MACROH2A1: variants seen among roughly 807,000 people sequenced by gnomAD.
The protein encoded by MACROH2A1 is core histone macro-H2A.1.
A neutral mutation model predicts 31.6 loss-of-function variants in MACROH2A1; 2 were observed. That is an observed-to-expected ratio of 0.06 (90% CI 0.03 to 0.20). The LOEUF is 0.20. MACROH2A1 is among the 10% of genes least tolerant of loss of function. The probability of loss-of-function intolerance (pLI) is 1.00; values close to 1 mark genes in which losing one functional copy is unlikely to be tolerated. For synonymous variants in MACROH2A1, 169 were observed against 189.6 expected, an observed-to-expected ratio of 0.89 and a Z score of 0.89; for missense variants, 230 against 474.0, an observed-to-expected ratio of 0.49 and a Z score of 4.78.
intron 2 of MACROH2A1, among the ~76,000 whole-genome samples, chr5:135,379,951 C>T (rs1000196492): frequency 1.3e-5 from 2 of 152,150 alleles, no homozygotes; most frequent in Non-Finnish European, 2.9e-5. Context: ...ATTTCTAACG[C>T]CCTACTGTTT....
In MACROH2A1 at chr5:135,335,069, C is replaced by T. The variant is rs756529964; in HGVS notation, c.1026G>A (p.Met342Ile). 14 of 1,613,348 alleles carry T rather than the reference C, an allele frequency of 8.7e-6. 1 individual carries two copies. In the African/African-American group the frequency reaches 1.7e-4, roughly 20 times the overall value. Reference protein sequence around the residue: ...KAISSYFVSTMSSSIKTVYFV... With the variant: ...KAISSYFVSTISSSIKTVYFV... ...AGTACACCGTTTTGATGGAAGAGGA[C>T]ATTGTAGACACGAAGTAACTGGAGA... is the stretch of plus-strand genomic sequence containing the variant. Residue 342 changes from methionine (M) to isoleucine (I), a missense_variant, in exon 9 of 9, where the codon ATG becomes ATA. Physicochemically the swap from Met to Ile is conservative, Grantham distance 10. Transcript: ENST00000511689.
rs1766814924 is a variant in MACROH2A1, at chr5:135,388,967, C to A, written c.127G>T (p.Val43Leu). 19 of 1,613,456 alleles carry A rather than the reference C, an allele frequency of 1.2e-5. No homozygotes were observed. Among genetic ancestry groups the A allele is most frequent in the Non-Finnish European group, 1.6e-5 (19 of 1,179,434 alleles). ...GCGGCCATGTACACGGGTGCCCCCA[C>A]TCCAATCCTGTACTTGGGGTGGCCT... ...KKGHPKYRIG[V>L]GAPVYMAAVL... Residue 43 changes from valine (V) to leucine (L), a missense_variant, in exon 2 of 9, where the codon GTG (valine) becomes TTG (leucine). By Grantham distance (32) the Val-to-Leu change is conservative. Around this residue, in one of 2 missense-constraint regions of MACROH2A1, gnomAD observed 47 missense variants for 154.7 expected, o/e 0.30. Transcript: ENST00000511689.
intron 2 of MACROH2A1, among the ~76,000 whole-genome samples, chr5:135,384,769 C>G (rs571973297): frequency 6.6e-6 from 1 of 152,372 alleles, no homozygotes; most frequent in Non-Finnish European, 1.5e-5. Flanking sequence ...CATGCTCTCA[C>G]ATCAGCCTCA....
chr5:135,387,795 C>A (rs1425409491), intron 2 of MACROH2A1, among the ~76,000 whole-genome samples: 2 of 152,170 alleles, frequency 1.3e-5, no homozygotes, highest in African/African-American at 4.8e-5. Flanking sequence ...AAGATTGTAT[C>A]TGTGAACAGG....
At chr5:135,340,457 C>A (rs1337352905) in intron 8 of MACROH2A1, among the ~76,000 whole-genome samples, 1 of 152,152 alleles carries the variant, frequency 6.6e-6, no homozygotes, top group Non-Finnish European at 1.5e-5. Flanking sequence ...CTATGTACTA[C>A]CCCTCTGGAG....
At chr5:135,370,367 G>C (rs1389723292) in intron 2 of MACROH2A1, among the ~76,000 whole-genome samples, 1 of 152,224 alleles carries the variant, frequency 6.6e-6, no homozygotes, top group Non-Finnish European at 1.5e-5. Flanking sequence ...TGAAGGAACT[G>C]AAGCTGAGGG....
At chr5:135,338,768 T>G (rs566615085) in intron 8 of MACROH2A1, among the ~76,000 whole-genome samples, 2 of 118,062 alleles carry the variant, frequency 1.7e-5, no homozygotes, top group East Asian at 4.3e-4. Context: ...CCAGCCACTC[T>G]GTCCTACAGC....
intron 4 of MACROH2A1, among the ~76,000 whole-genome samples, chr5:135,363,414 G>A (rs1367767487): frequency 6.6e-6 from 1 of 152,204 alleles, no homozygotes; most frequent in Non-Finnish European, 1.5e-5. Context: ...TGCTTGTGAG[G>A]TGTTAACACA....
At chr5:135,353,792 T>C (rs944088213) in intron 5 of MACROH2A1, 2 of 152,152 alleles carry the variant, frequency 1.3e-5, no homozygotes, top group African/African-American at 4.8e-5. Flanking sequence ...CCCAGTGAAT[T>C]TGTTCTTTCT....
chr5:135,371,767 A>C (rs775855918), intron 2 of MACROH2A1, among the ~76,000 whole-genome samples: 1 of 152,152 alleles, frequency 6.6e-6, no homozygotes, highest in Non-Finnish European at 1.5e-5. Flanking sequence ...GCCCAACTCA[A>C]ATCTGACCTC....
intron 6 of MACROH2A1, chr5:135,350,714 G>T: frequency 1.5e-6 from 1 of 683,882 alleles, no homozygotes; most frequent in Non-Finnish European, 2.7e-6. Context: ...CAGGACAGCT[G>T]GAAGTGTGAA....
chr5:135,341,093 A>C (rs1431625784), intron 8 of MACROH2A1, among the ~76,000 whole-genome samples: 1 of 152,266 alleles, frequency 6.6e-6, no homozygotes, highest in African/African-American at 2.4e-5. Flanking sequence ...TACCTCCAAT[A>C]AAGTTTCCTA....
chr5:135,352,922 G>A (rs1167548607), intron 6 of MACROH2A1, 24 bp downstream of exon 6: 13 of 1,187,384 alleles, frequency 1.1e-5, no homozygotes, highest in Non-Finnish European at 1.5e-5. Flanking sequence ...ACAGCTGGTG[G>A]TGCCGAACCC....
At chr5:135,338,049 A>G (rs1167374259) in intron 8 of MACROH2A1, 2 of 1,116,558 alleles carry the variant, frequency 1.8e-6, no homozygotes, top group Non-Finnish European at 2.2e-6. Context: ...GTGGGCCTCA[A>G]AATGTCTTGC....
At chr5:135,363,153 C>T (rs1763054685) in intron 4 of MACROH2A1, among the ~76,000 whole-genome samples, 2 of 151,416 alleles carry the variant, frequency 1.3e-5, no homozygotes, top group Admixed American at 1.3e-4. Flanking sequence ...AGGAGGATGC[C>T]AGCCTGGGCA....
At position 135,364,627 on chromosome 5, in the gene MACROH2A1, G is replaced by C. The variant is rs28369394; in HGVS notation, c.478-4020C>G. The stretch of plus-strand genomic sequence containing the variant: ...CTTTGTTCTGAGCAGCAGAAAACCT[G>C]TTAGGTCAGAGTCAGCTGGGAGACA... On this transcript the variant is annotated intron_variant, in intron 4 of 8. Transcript: ENST00000511689. Among the ~76,000 whole-genome samples the C allele has an allele frequency of 5.1e-3, 784 of 152,298 alleles. 8 individuals carry two copies. Among genetic ancestry groups the C allele is most frequent in the African/African-American group, 0.017 (724 of 41,560 alleles).
In MACROH2A1 at chr5:135,343,664, C is replaced by T; in HGVS notation, c.779-230G>A. Reference sequence around the variant, plus strand: ...GATGTGTCACCACCAGGAATTTTGACCAAGTTCGTAGTAAGCCTCTCTCCA... The same window carrying T: ...GATGTGTCACCACCAGGAATTTTGATCAAGTTCGTAGTAAGCCTCTCTCCA... On this transcript the variant is annotated intron_variant, in intron 7 of 8. Transcript: ENST00000511689. The T allele has an allele frequency of 1.3e-5, 8 of 599,830 alleles. 1 individual carries two copies. In the South Asian group the frequency reaches 1.6e-4, roughly 12 times the overall value. 37.2% of individuals were successfully genotyped at this position (599,830 alleles called of 1,614,324 possible).
At chr5:135,341,260 CCAA>C (rs1759800989) in intron 8 of MACROH2A1, among the ~76,000 whole-genome samples, 1 of 152,194 alleles carries the variant, frequency 6.6e-6, no homozygotes, top group Non-Finnish European at 1.5e-5. Flanking sequence ...ATTCATTTAA[CCAA>C]AGGTCACACA....
chr5:135,349,343 A>G (rs959036748), intron 6 of MACROH2A1, among the ~76,000 whole-genome samples: 4 of 152,142 alleles, frequency 2.6e-5, no homozygotes, highest in Non-Finnish European at 5.9e-5. Context: ...AAAAGGAAGC[A>G]TCTTTCCCTT....
Sources: allele counts gnomAD v4.1 joint callset (sites outside exome capture counted in the v4.1 genomes callset), GRCh38; gene constraint gnomAD v4.1.1; regional missense constraint gnomAD v4.1.1; transcripts MANE v1.5; gene names NCBI Gene and HGNC (gene_info 2026-07-23, HGNC 2026-07-21).